The following DPP6 variants were observed in gnomAD, a reference collection of about 807,000 sequenced individuals.
The protein encoded by DPP6 is A-type potassium channel modulatory protein DPP6.
A neutral mutation model predicts 122.6 loss-of-function variants in DPP6; 69 were observed. That is an observed-to-expected ratio of 0.56 (90% confidence interval 0.46 to 0.69). The LOEUF (loss-of-function observed/expected upper bound fraction) is 0.69, where lower values mean the gene tolerates loss of function less well. DPP6 is among the 30% of genes least tolerant of loss of function. The pLI is 0.00. For missense variants in DPP6, 928 were observed against 1,116.9 expected (o/e 0.83, Z 2.41); for synonymous variants, 418 against 433.1 (o/e 0.97, Z 0.43).
chr7:154,393,771 T>C (rs1814833570), intron 1 of DPP6, among the ~76,000 whole-genome samples: 1 of 152,166 alleles, frequency 6.6e-6, no homozygotes, highest in South Asian at 2.1e-4. Flanking sequence ...TTTGTGTAGC[T>C]GAAACTCTGT....
At chr7:154,419,495 G>T (rs73497204) in intron 1 of DPP6, among the ~76,000 whole-genome samples, 6,961 of 152,290 alleles carry the variant, frequency 0.046, 267 homozygotes, top group East Asian at 0.15. Context: ...TGCAGAATGC[G>T]TTCTCCTTTC....
chr7:153,868,112 CT>C, the DPP6 span, among the ~76,000 whole-genome samples: 2 of 151,916 alleles, frequency 1.3e-5, no homozygotes, highest in Admixed American at 1.3e-4. Flanking sequence ...CTAAAATTCT[CT>C]TTTTTGGTTG....
intron 16 of DPP6, among the ~76,000 whole-genome samples, chr7:154,837,117 ACATG>A (rs1003368388): frequency 1.3e-5 from 2 of 151,528 alleles, no homozygotes; most frequent in African/African-American, 4.9e-5. Context: ...GCACACACAC[ACATG>A]CATGCAGGCA....
At chr7:154,595,004 G>C (rs1024233035) in intron 5 of DPP6, among the ~76,000 whole-genome samples, 2 of 137,966 alleles carry the variant, frequency 1.4e-5, no homozygotes, top group East Asian at 5.2e-4. Context: ...AACCCCAATT[G>C]TATCATTGAT....
At chr7:154,558,101 C>T (rs1017123976) in intron 4 of DPP6, among the ~76,000 whole-genome samples, 1 of 151,788 alleles carries the variant, frequency 6.6e-6, no homozygotes, top group Non-Finnish European at 1.5e-5. Context: ...TCCCTTTACC[C>T]CTCCACCCCC....
At chr7:154,723,285 T>C (rs1047798690) in intron 7 of DPP6, among the ~76,000 whole-genome samples, 3 of 152,114 alleles carry the variant, frequency 2.0e-5, no homozygotes, top group African/African-American at 7.2e-5. Flanking sequence ...TGAAAGATCT[T>C]CAAAGCAAAA....
chr7:153,869,132 A>G, the DPP6 span, among the ~76,000 whole-genome samples: 1 of 152,140 alleles, frequency 6.6e-6, no homozygotes, highest in Non-Finnish European at 1.5e-5. Context: ...TATTCTGTTG[A>G]TTTGGGGTGG....
intron 1 of DPP6, among the ~76,000 whole-genome samples, chr7:153,930,065 T>C (rs1478976605): frequency 6.6e-6 from 1 of 152,180 alleles, no homozygotes; most frequent in Non-Finnish European, 1.5e-5. Context: ...TTGGAAAAAC[T>C]AGCTTTGGAT....
chr7:153,757,949 ATGT>A, the DPP6 span, among the ~76,000 whole-genome samples: 1 of 152,184 alleles, frequency 6.6e-6, no homozygotes, highest in Admixed American at 6.5e-5. Context: ...ACAGAATGAG[ATGT>A]TGTCTCAAAA....
At chr7:154,459,546 A>G (rs73169381) in intron 2 of DPP6, among the ~76,000 whole-genome samples, 27,091 of 152,026 alleles carry the variant, frequency 0.18, 2,985 homozygotes, top group East Asian at 0.31. Flanking sequence ...AATATATTAA[A>G]TTGGCTGGGC....
intron 1 of DPP6, among the ~76,000 whole-genome samples, chr7:154,312,155 ACATTAGAGCTGGTCTTGTATCAG>A (rs534244742): frequency 6.6e-6 from 1 of 152,290 alleles, no homozygotes; most frequent in Admixed American, 6.5e-5. Context: ...TTCTGTGTTC[ACATTAGAGCTGGTCTTGTATCAG>A]GCAAGTACCA....
chr7:154,710,529 C>T (rs572957070), intron 7 of DPP6, among the ~76,000 whole-genome samples: 1 of 152,180 alleles, frequency 6.6e-6, no homozygotes, highest in Non-Finnish European at 1.5e-5. Context: ...CTCGGGACCA[C>T]ATGTGGCATT....
Position 154,014,674 on chromosome 7 carries a change from GA to G in DPP6, c.51+126943del, listed in dbSNP as rs202187909. ...GAGACTCTGTGTCAAAAAAAAAGAA[GA>G]AAGAAAAAAGAAAAAAAAATCATGG... On this transcript the variant is annotated intron_variant, in intron 1 of 25. Coordinates refer to the DPP6 transcript ENST00000404039. 7.0e-3 allele frequency among the ~76,000 whole-genome samples: 1,060 copies of G among 151,754 alleles called. 12 individuals carry two copies. Among genetic ancestry groups the G allele is most frequent in the African/African-American group, 0.024 (993 of 41,376 alleles).
chr7:154,623,116 G>A (rs1338623499), intron 5 of DPP6, among the ~76,000 whole-genome samples: 2 of 152,124 alleles, frequency 1.3e-5, no homozygotes, highest in Non-Finnish European at 2.9e-5. Context: ...GTTATTTCCT[G>A]GCCTTTACTT....
intron 8 of DPP6, among the ~76,000 whole-genome samples, chr7:154,737,050 G>A (rs1008524556): frequency 3.9e-5 from 6 of 152,326 alleles, no homozygotes; most frequent in Non-Finnish European, 5.9e-5. Flanking sequence ...TCTTCTTACC[G>A]TGAGCCCAGG....
At chr7:154,621,032 A>G (rs959535314) in intron 5 of DPP6, among the ~76,000 whole-genome samples, 2 of 152,218 alleles carry the variant, frequency 1.3e-5, no homozygotes, top group Non-Finnish European at 2.9e-5. Flanking sequence ...AAGAAAACCT[A>G]TTTTTAGAAC....
At chr7:153,808,499 G>A in the DPP6 span, among the ~76,000 whole-genome samples, 4 of 151,922 alleles carry the variant, frequency 2.6e-5, no homozygotes, top group Non-Finnish European at 5.9e-5. Context: ...CAAATTCCAA[G>A]TACACAATAC....
intron 25 of DPP6, chr7:154,891,169 T>A (rs1160725267): frequency 6.6e-6 from 1 of 152,176 alleles, no homozygotes; most frequent in African/African-American, 2.4e-5. Flanking sequence ...AGGTTGAGGC[T>A]GCAGTGAGCT....
At chr7:153,931,095 G>A (rs1743910140) in intron 1 of DPP6, among the ~76,000 whole-genome samples, 1 of 152,340 alleles carries the variant, frequency 6.6e-6, no homozygotes, top group Non-Finnish European at 1.5e-5. Flanking sequence ...GGATGTATCT[G>A]TCTTTCTTGG....
Sources: allele counts gnomAD v4.1 joint callset (sites outside exome capture counted in the v4.1 genomes callset), GRCh38; gene constraint gnomAD v4.1.1; transcripts MANE v1.5; gene names NCBI Gene and HGNC (gene_info 2026-07-23, HGNC 2026-07-21).